Variants in ATP13A3 observed in about 807,000 individuals in gnomAD.
The protein encoded by ATP13A3 is ATPase 13A3.
Under a neutral mutation model 158.1 loss-of-function variants are expected in ATP13A3, and 59 were observed. The ratio of observed to expected loss-of-function variants is 0.37; its 90% confidence interval spans 0.30 to 0.46. The LOEUF (loss-of-function observed/expected upper bound fraction) is 0.46, where lower values mean the gene tolerates loss of function less well. ATP13A3 is among the 20% of genes least tolerant of loss of function. The pLI is 1.00. For synonymous variants in ATP13A3, 491 were observed against 504.3 expected, an observed-to-expected ratio of 0.97 and a Z score of 0.35; for missense variants, 1,166 against 1,525.2, an observed-to-expected ratio of 0.76 and a Z score of 3.92.
rs368182438 is a variant in ATP13A3 at position 194,426,259 on chromosome 3, TA to T, written c.3126-731del. ...TAATGTTAAATCTCCTACAATCTTC[TA>T]AAAATTTTAAAGATAATATCCCTCA... On this transcript the variant is annotated intron_variant, in intron 29 of 33. Transcript: ENST00000645319. Among the ~76,000 whole-genome samples the T allele has an allele frequency of 5.1e-3, 778 of 152,298 alleles. 4 individuals are homozygous for T. The highest frequency in any genetic ancestry group is 0.016 in the African/African-American group (666 of 41,560).
In ATP13A3 at chr3:194,417,396, G is replaced by GACACACACACACACACACACACACAC. The variant is rs56119734; in HGVS notation, c.3402+2457_3402+2482dup. Among the ~76,000 whole-genome samples the GACACACACACACACACACACACACAC allele has an allele frequency of 3.4e-5, 4 of 118,138 alleles. 1 individual carries two copies. In the East Asian group the frequency reaches 1.0e-3, roughly 30 times the overall value. 77.5% of individuals were successfully genotyped at this position (118,138 alleles called of 152,430 possible). On this transcript the variant is annotated intron_variant, in intron 31 of 33. Coordinates refer to ENST00000645319, the MANE Select transcript of ATP13A3 (RefSeq NM_001367549.1). ...AGCCTGGGTACCAGAGCCAGATTCT[G>GACACACACACACACACACACACACAC]ACACACACACACACACACACACACA... is the stretch of plus-strand genomic sequence containing the variant.
rs988748114 is a variant in ATP13A3, at chr3:194,447,840, C to T, written c.1308+12G>A. ...TGAGGTTCAAACCCTATTAAGAGTCCCACATACATACCTCATTTAAAATGC... is the reference window on the plus strand; with the variant it reads ...TGAGGTTCAAACCCTATTAAGAGTCTCACATACATACCTCATTTAAAATGC... On this transcript the variant is annotated intron_variant, in intron 13 of 33. Transcript: ENST00000645319. The T allele has an allele frequency of 6.3e-7, 1 of 1,598,604 alleles. No homozygotes were observed. The highest frequency in any genetic ancestry group is 1.7e-4 in the Middle Eastern group (1 of 6,034).
chr3:194,464,523 A>G (rs570150968), intron 2 of ATP13A3, among the ~76,000 whole-genome samples: 2 of 152,280 alleles, frequency 1.3e-5, no homozygotes, highest in African/African-American at 4.8e-5. Context: ...GCCTGCTACT[A>G]TAGACTATGG....
chr3:194,427,215 T>C lies in ATP13A3; in HGVS notation c.2985A>G (p.Gln995=), dbSNP rs1442154811. The C allele has an allele frequency of 1.2e-5, 20 of 1,609,008 alleles. No homozygotes were observed. The highest frequency in any genetic ancestry group is 1.6e-5 in the Non-Finnish European group (19 of 1,178,986). Residue 995 remains glutamine (Q), a synonymous_variant, in exon 29 of 34, where the codon CAA becomes CAG. Coordinates refer to ENST00000645319, the MANE Select transcript of ATP13A3 (RefSeq NM_001367549.1). ...LNPAWKELVA[Q]RPPSGLISGA... ...CAGATATAAGACCCGAAGGTGGTCT[T>C]TGTGCCACAAGTTCTTTCCAGGCAG...
At chr3:194,481,673 C>G (rs971562479) in intron 2 of ATP13A3, among the ~76,000 whole-genome samples, 1 of 152,170 alleles carries the variant, frequency 6.6e-6, no homozygotes, top group Non-Finnish European at 1.5e-5. Context: ...TTTCACCTTA[C>G]CACCCAACAT....
At chr3:194,425,608 C>T in intron 29 of ATP13A3, 79 bp from the exon 30 acceptor site, 1 of 1,102,766 alleles carries the variant, frequency 9.1e-7, no homozygotes, top group Non-Finnish European at 1.3e-6. Flanking sequence ...ACCTTAATTG[C>T]CCTGAATCAC....
intron 11 of ATP13A3, 106 bp downstream of exon 11, chr3:194,450,039 T>C: frequency 8.5e-7 from 1 of 1,181,254 alleles, no homozygotes; most frequent in Admixed American, 2.4e-5. Flanking sequence ...AACATATTCA[T>C]GAGTAAAGGT....
chr3:194,462,777 C>T (rs1400653076), intron 2 of ATP13A3, among the ~76,000 whole-genome samples: 1 of 152,188 alleles, frequency 6.6e-6, no homozygotes. Flanking sequence ...AAAGTGCTAG[C>T]TGGTTCTAAT....
At chr3:194,421,897 C>T (rs1002521784) in intron 30 of ATP13A3, among the ~76,000 whole-genome samples, 1 of 137,242 alleles carries the variant, frequency 7.3e-6, no homozygotes, top group Non-Finnish European at 1.5e-5. Context: ...TTTCAAACCA[C>T]AGCAAAAACA....
In ATP13A3 at chr3:194,448,482, G is replaced by A. The variant is rs1577066494; in HGVS notation, c.1125C>T (p.Leu375=). The A allele has an allele frequency of 1.9e-6, 3 of 1,613,992 alleles. No homozygotes were observed. Among genetic ancestry groups the A allele is most frequent in the East Asian group, 2.2e-5 (1 of 44,864 alleles). The change falls in exon 12 of 34, where the codon CTC becomes CTT. Residue 375 remains leucine (L), a synonymous_variant. Transcript: ENST00000645319. The surrounding 1 kb of genome is among the most constrained non-coding windows in gnomAD (Gnocchi z 4.0). The part of the protein sequence containing the change: ...VIQTRFYTGE[L]VKAIVVRTGF... ...CTGTTCTAACAACTATGGCTTTGAC[G>A]AGTTCTCCAGTGTAGAAACGAGTCT... is the stretch of plus-strand genomic sequence containing the variant.
At chr3:194,471,339 A>G (rs1217416601) in intron 2 of ATP13A3, among the ~76,000 whole-genome samples, 1 of 151,018 alleles carries the variant, frequency 6.6e-6, no homozygotes, top group Non-Finnish European at 1.5e-5. Flanking sequence ...AAAAAAAAAA[A>G]AAAAAAAAGA....
At chr3:194,421,041 C>A (rs1404893858) in intron 30 of ATP13A3, among the ~76,000 whole-genome samples, 1 of 133,040 alleles carries the variant, frequency 7.5e-6, no homozygotes, top group African/African-American at 3.0e-5. Flanking sequence ...TTCAAAACTA[C>A]AGGTAAATAT....
At chr3:194,487,038 C>A (rs550307658), upstream of ATP13A3, 2 of 149,874 alleles carry the variant, frequency 1.3e-5, no homozygotes, top group Non-Finnish European at 3.0e-5. Flanking sequence ...GTGGCTTCAT[C>A]CCCGCGCGGA....
intron 22 of ATP13A3, 64 bp from the exon 23 acceptor site, chr3:194,431,290 T>C: frequency 6.7e-7 from 1 of 1,489,812 alleles, no homozygotes; most frequent in Non-Finnish European, 9.1e-7. Flanking sequence ...AATTCTATTT[T>C]AAACATATTT....
At chr3:194,427,468 T>C (rs2108800233) in intron 28 of ATP13A3, among the ~76,000 whole-genome samples, 1 of 152,050 alleles carries the variant, frequency 6.6e-6, no homozygotes, top group Middle Eastern at 3.4e-3. Context: ...TCAGGAATAA[T>C]TTTTACATTT....
Position 194,409,693 on chromosome 3 carries a change from A to ATT in ATP13A3, c.3573+2504_3573+2505dup, listed in dbSNP as rs71179358. 5.0e-3 allele frequency among the ~76,000 whole-genome samples: 473 copies of ATT among 93,982 alleles called. 35 individuals carry two copies. Among genetic ancestry groups the ATT allele is most frequent in the African/African-American group, 0.013 (262 of 20,338 alleles). The allele number at this position is 93,982 out of a possible 152,430, so 61.7% of individuals were successfully genotyped here. On this transcript the variant is annotated intron_variant, in intron 33 of 33. Transcript: ENST00000645319. ...TGCTTGATAATCACTGACGTAAAGA[A>ATT]TTTTTTTTTTTTTTTTTTTTTTTTT...
In ATP13A3 at chr3:194,438,880, A is replaced by G; in HGVS notation, c.1803T>C (p.Ser601=). The change falls in exon 17 of 34, where the codon TCT becomes TCC. Residue 601 remains serine (S), a synonymous_variant. Coordinates refer to ENST00000645319, the MANE Select transcript of ATP13A3 (RefSeq NM_001367549.1). ...CCATTTCTTGGTTTCCTGCAGGGGT[A>G]GATTCAGGAAGCAGTTGTTTGGGAG... ...VRPPKQLLPE[S]TPAGNQEMEL... 2 of 1,602,538 alleles carry G rather than the reference A, an allele frequency of 1.2e-6. No homozygotes were observed. Among genetic ancestry groups the G allele is most frequent in the Non-Finnish European group, 1.7e-6 (2 of 1,171,208 alleles).
chr3:194,465,805 AACACAC>A (rs370056574), intron 2 of ATP13A3, among the ~76,000 whole-genome samples: 15 of 148,738 alleles, frequency 1.0e-4, no homozygotes, highest in African/African-American at 2.7e-4. Context: ...CTCTACTAAA[AACACAC>A]ACACACACAC....
chr3:194,457,079 T>A lies in ATP13A3; in HGVS notation c.560+15A>T, dbSNP rs1719284669. The A allele has an allele frequency of 6.3e-7, 1 of 1,598,314 alleles. No homozygotes were observed. The stretch of plus-strand genomic sequence containing the variant: ...GAATTTTGAGAAGATCTAACTTTAG[T>A]TGGATAAAAATTACCTGTAGGCATG... On this transcript the variant is annotated intron_variant, in intron 7 of 33. Coordinates refer to ENST00000645319, the MANE Select transcript of ATP13A3 (RefSeq NM_001367549.1).
Sources: gnomAD v4.1 joint callset for allele counts (sites outside exome capture counted in the v4.1 genomes callset) on GRCh38, gnomAD v4.1.1 for gene constraint, Gnocchi (gnomAD v3.1) non-coding constraint, MANE v1.5 for transcripts, NCBI Gene and HGNC (gene_info 2026-07-23, HGNC 2026-07-21) for gene names.